Variants in PTPRE observed in about 807,000 individuals in gnomAD.
PTPRE encodes the protein protein tyrosine phosphatase receptor type E.
Under a neutral mutation model 102.0 loss-of-function variants are expected in PTPRE, and 51 were observed. The observed-to-expected ratio is 0.50, with a 90% CI of 0.40 to 0.63. The LOEUF is 0.63. Ranked by LOEUF, PTPRE falls within the 30% of genes least tolerant of loss-of-function variation. The pLI is 0.00. For synonymous variants in PTPRE, 345 were observed against 348.2 expected (o/e 0.99, Z 0.10); for missense variants, 752 against 915.1 (o/e 0.82, Z 2.30).
At chr10:127,991,151 A>T (rs964731126) in intron 2 of PTPRE, among the ~76,000 whole-genome samples, 24 of 152,198 alleles carry the variant, frequency 1.6e-4, no homozygotes, top group African/African-American at 5.3e-4. Context: ...GACACACTGG[A>T]AAGTGGATGT....
intron 1 of PTPRE, chr10:127,936,269 A>G (rs778517549): frequency 2.0e-5 from 3 of 152,222 alleles, no homozygotes; most frequent in Non-Finnish European, 4.4e-5. Context: ...TCACCACAGC[A>G]TGGGAGAGGC....
At chr10:127,982,695 A>G (rs932079906) in intron 2 of PTPRE, among the ~76,000 whole-genome samples, 1 of 152,142 alleles carries the variant, frequency 6.6e-6, no homozygotes, top group African/African-American at 2.4e-5. Context: ...AATTGCATTG[A>G]TGGTAACTGC....
intron 6 of PTPRE, among the ~76,000 whole-genome samples, chr10:128,052,655 A>T (rs1056500227): frequency 3.3e-5 from 5 of 152,134 alleles, no homozygotes; most frequent in African/African-American, 1.2e-4. Context: ...AGTGAGCACC[A>T]CTGGGCCAAG....
intron 2 of PTPRE, among the ~76,000 whole-genome samples, chr10:128,005,659 T>C (rs1016935683): frequency 3.3e-5 from 5 of 152,106 alleles, no homozygotes; most frequent in Non-Finnish European, 7.4e-5. Context: ...AGGTGACAGA[T>C]GGGGGATGCC....
At chr10:128,065,445 C>A (rs542922102) in intron 10 of PTPRE, among the ~76,000 whole-genome samples, 1 of 152,120 alleles carries the variant, frequency 6.6e-6, no homozygotes, top group Non-Finnish European at 1.5e-5. Flanking sequence ...GCTCCTGGAA[C>A]GTGTATTTTG....
chr10:128,030,690 C>T (rs1264542339), intron 2 of PTPRE, among the ~76,000 whole-genome samples: 1 of 152,186 alleles, frequency 6.6e-6, no homozygotes, highest in Non-Finnish European at 1.5e-5. Flanking sequence ...GATAATCCTG[C>T]CGGCAAGGTC....
At chr10:127,974,239 T>C (rs1850976563) in intron 1 of PTPRE, among the ~76,000 whole-genome samples, 1 of 152,214 alleles carries the variant, frequency 6.6e-6, no homozygotes, top group South Asian at 2.1e-4. Flanking sequence ...GAGTTCTGCG[T>C]CCGGTCCTTA....
chr10:127,927,855 G>C (rs1207203178), intron 1 of PTPRE, among the ~76,000 whole-genome samples: 1 of 152,132 alleles, frequency 6.6e-6, no homozygotes, highest in East Asian at 1.9e-4. Flanking sequence ...TATTTACCTG[G>C]TGCGTTTTAA....
intron 1 of PTPRE, among the ~76,000 whole-genome samples, chr10:127,963,004 A>AC (rs1849948870): frequency 6.6e-6 from 1 of 152,170 alleles, no homozygotes; most frequent in Non-Finnish European, 1.5e-5. Context: ...ACCTGGGTCT[A>AC]TAGGCCTTGA....
intron 10 of PTPRE, 61 bp from the exon 11 acceptor site, chr10:128,066,014 G>A (rs1850054101): frequency 6.2e-7 from 1 of 1,612,578 alleles, no homozygotes; most frequent in Non-Finnish European, 8.5e-7. Context: ...GTTGGGTGGG[G>A]GGATGTCATG....
At chr10:127,990,268 C>T (rs972495511) in intron 2 of PTPRE, among the ~76,000 whole-genome samples, 2 of 151,620 alleles carry the variant, frequency 1.3e-5, no homozygotes, top group Non-Finnish European at 2.9e-5. Context: ...AAAAATTAGC[C>T]AGGCATGGTG....
intron 2 of PTPRE, among the ~76,000 whole-genome samples, chr10:128,031,951 G>A (rs1412847268): frequency 6.6e-6 from 1 of 152,048 alleles, no homozygotes; most frequent in Non-Finnish European, 1.5e-5. Flanking sequence ...TTTTCTGCTT[G>A]CTATCCCTGT....
At chr10:128,081,730 A>G (rs1225962888) in intron 20 of PTPRE, among the ~76,000 whole-genome samples, 1 of 152,234 alleles carries the variant, frequency 6.6e-6, no homozygotes, top group African/African-American at 2.4e-5. Context: ...GCCAGAAGTG[A>G]GGACCCTACA....
intron 1 of PTPRE, among the ~76,000 whole-genome samples, chr10:127,928,169 C>T (rs188981391): frequency 2.6e-5 from 4 of 152,332 alleles, no homozygotes; most frequent in African/African-American, 4.8e-5. Context: ...ACAAACCTCC[C>T]GTCATCAGTG....
At chr10:127,981,333 C>T (rs1851594350) in intron 1 of PTPRE, among the ~76,000 whole-genome samples, 1 of 152,032 alleles carries the variant, frequency 6.6e-6, no homozygotes, top group African/African-American at 2.4e-5. Context: ...AGCTAGTGAG[C>T]TAATAGTGGG....
At chr10:127,999,435 G>A in intron 2 of PTPRE, 2 of 542,306 alleles carry the variant, frequency 3.7e-6, no homozygotes, top group Non-Finnish European at 4.7e-6. Flanking sequence ...GACATTGCTC[G>A]TTGTCCTTTC....
chr10:128,065,702 G>A (rs556162726), intron 10 of PTPRE, among the ~76,000 whole-genome samples: 8 of 152,188 alleles, frequency 5.3e-5, no homozygotes, highest in Admixed American at 1.3e-4. Context: ...GGGGAGCACC[G>A]TCCTTGCCCT....
chr10:127,923,398 ATTTTTT>A (rs35994733), intron 1 of PTPRE, among the ~76,000 whole-genome samples: 1,296 of 106,922 alleles, frequency 0.012, 56 homozygotes, highest in Admixed American at 0.098. Flanking sequence ...ACCAGTTTGA[ATTTTTT>A]TTTTTTTTTT....
At chr10:128,039,377 C>T (rs964742012) in intron 2 of PTPRE, among the ~76,000 whole-genome samples, 2 of 151,912 alleles carry the variant, frequency 1.3e-5, no homozygotes, top group Admixed American at 6.6e-5. Flanking sequence ...GGTTATTGTG[C>T]GGATAATACA....
Sources: allele counts gnomAD v4.1 joint callset (sites outside exome capture counted in the v4.1 genomes callset), GRCh38; gene constraint gnomAD v4.1.1; transcripts MANE v1.5; gene names NCBI Gene and HGNC (gene_info 2026-07-23, HGNC 2026-07-21).